The following GPBP1L1 variants were observed in gnomAD, a reference collection of about 807,000 sequenced individuals.
The protein encoded by GPBP1L1 is GC-rich promoter binding protein 1 like 1, also known as vasculin-like protein 1.
In GPBP1L1, 23 loss-of-function variants were observed where a neutral mutation model predicts 52.5. That is an observed-to-expected ratio of 0.44 (90% CI 0.32 to 0.62). GPBP1L1 has a LOEUF of 0.62. Ranked by LOEUF, GPBP1L1 falls within the 20% of genes least tolerant of loss-of-function variation. GPBP1L1 has a pLI of 0.06. For missense variants in GPBP1L1, 596 were observed against 579.3 expected, an observed-to-expected ratio of 1.03 and a Z score of -0.30; for synonymous variants, 243 against 203.1, an observed-to-expected ratio of 1.20 and a Z score of -1.67.
At chr1:45,669,828 A>G (rs926156297) in intron 2 of GPBP1L1, among the ~76,000 whole-genome samples, 2 of 152,272 alleles carry the variant, frequency 1.3e-5, no homozygotes, top group African/African-American at 4.8e-5. Flanking sequence ...CTGATCAAAC[A>G]GTATGTAACA....
intron 2 of GPBP1L1, among the ~76,000 whole-genome samples, chr1:45,673,857 TCAAA>T (rs1263118076): frequency 5.9e-5 from 9 of 152,064 alleles, no homozygotes; most frequent in African/African-American, 1.7e-4. Context: ...AGACTCCGTC[TCAAA>T]CAAACAAACA....
At chr1:45,669,735 A>G (rs1344713740) in intron 2 of GPBP1L1, among the ~76,000 whole-genome samples, 1 of 152,214 alleles carries the variant, frequency 6.6e-6, no homozygotes, top group East Asian at 1.9e-4. Flanking sequence ...TGTAGTTCTC[A>G]GCTAAGGGAT....
chr1:45,644,122 T>A (rs11211146), intron 6 of GPBP1L1, among the ~76,000 whole-genome samples: 1 of 151,958 alleles, frequency 6.6e-6, no homozygotes, highest in Non-Finnish European at 1.5e-5. Flanking sequence ...ACCACTACAA[T>A]AGGAGAACAA....
At chr1:45,662,813 A>C (rs1177646113) in intron 2 of GPBP1L1, among the ~76,000 whole-genome samples, 4 of 152,152 alleles carry the variant, frequency 2.6e-5, no homozygotes, top group Non-Finnish European at 5.9e-5. Flanking sequence ...GCACTTTGGG[A>C]GACCGAGACA....
intron 4 of GPBP1L1, among the ~76,000 whole-genome samples, chr1:45,658,142 T>A (rs1312155214): frequency 1.3e-5 from 2 of 152,198 alleles, no homozygotes; most frequent in Non-Finnish European, 2.9e-5. Flanking sequence ...TCCATTTGTG[T>A]TTACCCTTAA....
intron 2 of GPBP1L1, among the ~76,000 whole-genome samples, chr1:45,680,009 G>C (rs143174540): frequency 1.3e-5 from 2 of 151,972 alleles, no homozygotes; most frequent in Non-Finnish European, 2.9e-5. Flanking sequence ...GAGCCTAGGA[G>C]GTCAAAGCTG....
At position 45,627,744 on chromosome 1, in the gene GPBP1L1, AC is replaced by A. The variant is rs1297090077; in HGVS notation, c.*511del. On this transcript the variant is annotated 3_prime_UTR_variant, in exon 13 of 13. Transcript: ENST00000355105. Reference sequence around the variant, plus strand: ...AAAAAGAAAAAAAAAACAAAAAAAAACAACCAAAAAAACCCACATATGCTTG... The same window carrying A: ...AAAAAGAAAAAAAAAACAAAAAAAAAAACCAAAAAAACCCACATATGCTTG... 3.9e-5 allele frequency: 6 copies of A among 152,538 alleles called. No homozygotes were observed. The highest frequency in any genetic ancestry group is 8.8e-5 in the Non-Finnish European group (6 of 68,042). 9.4% of individuals were successfully genotyped at this position (152,538 alleles called of 1,614,324 possible). A position where few individuals can be genotyped will look rare whatever the true frequency, so the allele number is the denominator to read the frequency against.
chr1:45,664,706 T>C (rs1272171003), intron 2 of GPBP1L1, among the ~76,000 whole-genome samples: 2 of 152,020 alleles, frequency 1.3e-5, no homozygotes, highest in Non-Finnish European at 2.9e-5. Flanking sequence ...GATGAGGTCT[T>C]ACTTCGTGAC....
At chr1:45,673,696 C>T (rs1458847327) in intron 2 of GPBP1L1, among the ~76,000 whole-genome samples, 7 of 152,132 alleles carry the variant, frequency 4.6e-5, no homozygotes, top group African/African-American at 1.7e-4. Context: ...CCCATCTCTA[C>T]TAAAAATACA....
rs1053683472 is a variant in GPBP1L1 at position 45,679,140 on chromosome 1, T to C, written c.-1098+6436A>G. 1.7e-4 allele frequency among the ~76,000 whole-genome samples: 26 copies of C among 152,284 alleles called. No individual in the cohort carries two copies. In the East Asian group the frequency reaches 5.0e-3, roughly 29 times the overall value. ...CTTACCCCAGATAAATTTTAAAAGGTTGAGAACTATCACTTTTGAGAATTG... is the reference window on the plus strand; with the variant it reads ...CTTACCCCAGATAAATTTTAAAAGGCTGAGAACTATCACTTTTGAGAATTG... On this transcript the variant is annotated intron_variant, in intron 2 of 12. Coordinates refer to ENST00000355105, the MANE Select transcript of GPBP1L1 (RefSeq NM_021639.5).
At chr1:45,666,866 T>C (rs1218742411) in intron 2 of GPBP1L1, among the ~76,000 whole-genome samples, 3 of 152,154 alleles carry the variant, frequency 2.0e-5, no homozygotes, top group African/African-American at 4.8e-5. Context: ...TATTCAGCTA[T>C]AAAAAGGAAA....
upstream of GPBP1L1, among the ~76,000 whole-genome samples, chr1:45,686,823 G>C (rs1645295630): frequency 6.6e-6 from 1 of 152,100 alleles, no homozygotes; most frequent in Non-Finnish European, 1.5e-5. Flanking sequence ...GCCTTTCCTC[G>C]TGCCGCCTGA....
At position 45,627,854 on chromosome 1, in the gene GPBP1L1, C is replaced by T. The variant is rs1644475764; in HGVS notation, c.*402G>A. ...CATTAATTTAATACAATTATAACTT[C>T]AATAGTCACTTTGTCATTGACAATG... On this transcript the variant is annotated 3_prime_UTR_variant, in exon 13 of 13. Transcript: ENST00000355105. 6.4e-6 allele frequency: 1 copy of T among 156,412 alleles called. No homozygotes were observed. The highest frequency in any genetic ancestry group is 2.0e-4 in the South Asian group (1 of 4,914). The allele number at this position is 156,412 out of a possible 1,614,324, so 9.7% of individuals were successfully genotyped here.
intron 2 of GPBP1L1, among the ~76,000 whole-genome samples, chr1:45,679,272 G>A (rs1428879405): frequency 6.6e-6 from 1 of 152,144 alleles, no homozygotes; most frequent in African/African-American, 2.4e-5. Flanking sequence ...TGGCAAACAC[G>A]AAAAACCAAA....
At chr1:45,682,584 GT>G (rs1645224151) in intron 2 of GPBP1L1, among the ~76,000 whole-genome samples, 1 of 152,070 alleles carries the variant, frequency 6.6e-6, no homozygotes, top group South Asian at 2.1e-4. Flanking sequence ...AAAGTTCTTT[GT>G]TTTATGGTCA....
intron 2 of GPBP1L1, among the ~76,000 whole-genome samples, chr1:45,664,070 C>A (rs1254895909): frequency 6.6e-6 from 1 of 152,058 alleles, no homozygotes; most frequent in Non-Finnish European, 1.5e-5. Context: ...CGGTGGCTCA[C>A]GCCTGTAATC....
intron 6 of GPBP1L1, chr1:45,651,102 C>T: frequency 4.0e-6 from 2 of 504,092 alleles, no homozygotes; most frequent in South Asian, 2.9e-5. Flanking sequence ...ACTTGGGACC[C>T]AGGACATTGC....
chr1:45,630,502 G>C lies in GPBP1L1; in HGVS notation c.1149C>G (p.His383Gln). Residue 383 changes from histidine to glutamine, a missense_variant, in exon 11 of 13, where the codon CAC (histidine) becomes CAG (glutamine). Physicochemically the swap from His to Gln is conservative, Grantham distance 24. Coordinates refer to ENST00000355105, the MANE Select transcript of GPBP1L1 (RefSeq NM_021639.5). ...PVVEEGEVLS[H>Q]SLEAEHRLLK... is the part of the protein sequence containing the mutation. The stretch of plus-strand genomic sequence containing the variant: ...CTTACCTGTGCTCTGCTTCTAGAGA[G>C]TGTGAGAGAACCTCCCCTTCTTCCA... 1 of 1,613,942 alleles carries C rather than the reference G, an allele frequency of 6.2e-7. No individual in the cohort carries two copies. Among genetic ancestry groups the C allele is most frequent in the Non-Finnish European group, 8.5e-7 (1 of 1,179,840 alleles).
At chr1:45,663,956 C>CT (rs11407149) in intron 2 of GPBP1L1, among the ~76,000 whole-genome samples, 42,942 of 148,866 alleles carry the variant, frequency 0.29, 6,206 homozygotes, top group South Asian at 0.37. Flanking sequence ...TCTCTTAGAA[C>CT]TTTTTTTTTT....
Sources: allele counts gnomAD v4.1 joint callset (sites outside exome capture counted in the v4.1 genomes callset), GRCh38; gene constraint gnomAD v4.1.1; transcripts MANE v1.5; gene names NCBI Gene and HGNC (gene_info 2026-07-23, HGNC 2026-07-21).